The following AMOTL1 variants were observed in gnomAD, a reference collection of about 807,000 sequenced individuals.
AMOTL1 encodes the protein angiomotin-like protein 1.
AMOTL1 carries 45 observed loss-of-function variants against 102.9 expected under a neutral mutation model. The ratio of observed to expected loss-of-function variants is 0.44; its 90% CI spans 0.34 to 0.56. The LOEUF is 0.56. AMOTL1 is among the 20% of genes least tolerant of loss of function. The pLI, the probability that AMOTL1 is intolerant of heterozygous loss-of-function variation, is 0.01. For synonymous variants in AMOTL1, 481 were observed against 484.7 expected (o/e 0.99, Z 0.10); for missense variants, 1,114 against 1,225.6 (o/e 0.91, Z 1.36).
chr11:94,756,219 G>C (rs1038107498), intron 3 of AMOTL1, among the ~76,000 whole-genome samples: 7 of 152,114 alleles, frequency 4.6e-5, no homozygotes, highest in African/African-American at 1.7e-4. Flanking sequence ...GGGTTTTTAT[G>C]GGCACAGGAT....
At chr11:94,725,042 C>G (rs1053235672) in intron 1 of AMOTL1, among the ~76,000 whole-genome samples, 3 of 152,152 alleles carry the variant, frequency 2.0e-5, no homozygotes, top group Non-Finnish European at 4.4e-5. Context: ...TAGATCAAGT[C>G]TTCAGTGCCA....
At position 94,707,248 on chromosome 11, in the gene AMOTL1, C is replaced by CTG. The variant is rs1225814157; in HGVS notation, c.-51+652_-51+653insGT. On this transcript the variant is annotated intron_variant, in intron 1 of 4. Transcript: ENST00000299004. ...TCTCTCTCTCTCTCTCTCTCTCTCT[C>CTG]TCTGTGTGTGTGTGTGTGTGTGTGT... Among the ~76,000 whole-genome samples the CTG allele has an allele frequency of 8.0e-3, 530 of 65,890 alleles. 4 individuals carry two copies. Among genetic ancestry groups the CTG allele is most frequent in the African/African-American group, 0.019 (489 of 25,316 alleles). The allele number at this position is 65,890 out of a possible 152,430, so 43.2% of individuals were successfully genotyped here.
rs115456526 is a variant in AMOTL1 at position 94,829,296 on chromosome 11, C to T, written c.1414-754C>T. On this transcript the variant is annotated intron_variant, in intron 4 of 12. Coordinates refer to ENST00000433060, the MANE Select transcript of AMOTL1 (RefSeq NM_130847.3). ...TGGAGTGCAGTGACGTGATCTTGCT[C>T]ACTGCAACCTTCGCCTCCCAGGCTC... 2.2e-3 allele frequency among the ~76,000 whole-genome samples: 335 copies of T among 149,888 alleles called. 3 individuals are homozygous for T. Among genetic ancestry groups the T allele is most frequent in the African/African-American group, 7.5e-3 (305 of 40,618 alleles).
chr11:94,746,810 T>C (rs916253703), intron 3 of AMOTL1, among the ~76,000 whole-genome samples: 1 of 152,214 alleles, frequency 6.6e-6, no homozygotes, highest in East Asian at 1.9e-4. Flanking sequence ...GTGATTTCAA[T>C]GTGCAGCTAA....
intron 3 of AMOTL1, among the ~76,000 whole-genome samples, chr11:94,757,208 A>G (rs528156521): frequency 1.1e-3 from 171 of 152,292 alleles, no homozygotes; most frequent in Middle Eastern, 3.4e-3. Flanking sequence ...ATTTGGTAAG[A>G]AAATGGCTAA....
At chr11:94,759,446 A>G (rs1950765252) in intron 3 of AMOTL1, among the ~76,000 whole-genome samples, 1 of 152,228 alleles carries the variant, frequency 6.6e-6, no homozygotes, top group Non-Finnish European at 1.5e-5. Context: ...CTAGCTAAGA[A>G]ATAATTCTAT....
intron 3 of AMOTL1, among the ~76,000 whole-genome samples, chr11:94,812,178 C>T (rs1048625741): frequency 6.6e-6 from 1 of 152,210 alleles, no homozygotes; most frequent in Non-Finnish European, 1.5e-5. Context: ...TACAGGGGAA[C>T]CACCACTCAG....
intron 3 of AMOTL1, among the ~76,000 whole-genome samples, chr11:94,749,211 A>G (rs113759251): frequency 3.9e-5 from 6 of 152,342 alleles, no homozygotes; most frequent in African/African-American, 1.4e-4. Context: ...CCCAAGGCCA[A>G]AGGCCTGAGA....
At chr11:94,841,284 T>G (rs1293814908) in intron 6 of AMOTL1, among the ~76,000 whole-genome samples, 2 of 152,060 alleles carry the variant, frequency 1.3e-5, no homozygotes, top group Non-Finnish European at 1.5e-5. Flanking sequence ...AAACCCCATC[T>G]CTACTAAAAA....
intron 2 of AMOTL1, among the ~76,000 whole-genome samples, chr11:94,796,785 T>C (rs1951374851): frequency 1.3e-5 from 2 of 152,176 alleles, no homozygotes; most frequent in African/African-American, 4.8e-5. Context: ...CATATTTTAA[T>C]ACCAAAAATG....
At chr11:94,856,678 C>T (rs927544044) in intron 8 of AMOTL1, among the ~76,000 whole-genome samples, 3 of 152,216 alleles carry the variant, frequency 2.0e-5, no homozygotes, top group Non-Finnish European at 2.9e-5. Context: ...TCCTTCATCC[C>T]TGTGTCCAAG....
chr11:94,845,446 T>G (rs541229881), intron 6 of AMOTL1, among the ~76,000 whole-genome samples: 1 of 152,298 alleles, frequency 6.6e-6, no homozygotes, highest in Non-Finnish European at 1.5e-5. Context: ...TATGTGAGGA[T>G]TATATGTTGT....
chr11:94,713,707 A>C (rs1366882415), intron 1 of AMOTL1, among the ~76,000 whole-genome samples: 1 of 151,952 alleles, frequency 6.6e-6, no homozygotes, highest in Non-Finnish European at 1.5e-5. Context: ...AAATGCAATT[A>C]ATTTTTATGT....
intron 3 of AMOTL1, among the ~76,000 whole-genome samples, chr11:94,806,517 G>A (rs1244147571): frequency 2.0e-5 from 3 of 152,188 alleles, no homozygotes; most frequent in Admixed American, 6.5e-5. Context: ...TGCCCTTAAC[G>A]AAAATGAGGC....
intron 2 of AMOTL1, among the ~76,000 whole-genome samples, chr11:94,734,427 T>C (rs893727710): frequency 2.0e-4 from 30 of 152,238 alleles, no homozygotes; most frequent in Non-Finnish European, 5.9e-5. Context: ...TATTAAATCC[T>C]AGAGAACAAG....
At chr11:94,732,033 C>T (rs1262649074) in intron 2 of AMOTL1, among the ~76,000 whole-genome samples, 1 of 152,188 alleles carries the variant, frequency 6.6e-6, no homozygotes, top group East Asian at 1.9e-4. Flanking sequence ...ATAGCCAAGG[C>T]CTTGACCCAC....
chr11:94,862,050 G>C (rs1044404658), intron 9 of AMOTL1, among the ~76,000 whole-genome samples: 2 of 152,126 alleles, frequency 1.3e-5, no homozygotes, highest in South Asian at 2.1e-4. Flanking sequence ...CAGTCCCACT[G>C]TTCCCCTTCT....
At position 94,830,236 on chromosome 11, in the gene AMOTL1, G is replaced by A. The variant is rs769980676; in HGVS notation, c.1558+42G>A. ...TCTCTCTATCTAAACTACCTGTAGAGTTTTAGTGTAGCTAAAAGCACGACT... is the reference window on the plus strand; with the variant it reads ...TCTCTCTATCTAAACTACCTGTAGAATTTTAGTGTAGCTAAAAGCACGACT... On this transcript the variant is annotated intron_variant, in intron 5 of 12. Coordinates refer to ENST00000433060, the MANE Select transcript of AMOTL1 (RefSeq NM_130847.3). 5.9e-6 allele frequency: 9 copies of A among 1,536,310 alleles called. No homozygotes were observed. In the South Asian group the frequency reaches 1.0e-4, roughly 17 times the overall value.
chr11:94,751,801 C>CAT (rs201973460), intron 3 of AMOTL1, among the ~76,000 whole-genome samples: 11 of 150,130 alleles, frequency 7.3e-5, no homozygotes, highest in African/African-American at 2.5e-4. Flanking sequence ...CACACACACA[C>CAT]GTGCACACAC....
Sources: allele counts gnomAD v4.1 joint callset (sites outside exome capture counted in the v4.1 genomes callset), GRCh38; gene constraint gnomAD v4.1.1; transcripts MANE v1.5; gene names NCBI Gene and HGNC (gene_info 2026-07-23, HGNC 2026-07-21).